CSMD1: variants seen among roughly 807,000 people sequenced by gnomAD.
CSMD1 encodes the protein CUB and sushi domain-containing protein 1.
In CSMD1, 213 loss-of-function variants were observed where a neutral mutation model predicts 417.5. That is an observed-to-expected ratio of 0.51 (90% CI 0.46 to 0.57). The LOEUF (loss-of-function observed/expected upper bound fraction) is 0.57, where lower values mean the gene tolerates loss of function less well. CSMD1 is among the 20% of genes least tolerant of loss of function. CSMD1 has a pLI of 0.00. For missense variants in CSMD1, 6,923 were observed against 4,529.7 expected, an observed-to-expected ratio of 1.53 and a Z score of -15.17; for synonymous variants, 2,862 against 1,736.8, an observed-to-expected ratio of 1.65 and a Z score of -16.11.
intron 2 of CSMD1, among the ~76,000 whole-genome samples, chr8:4,551,882 A>G (rs1253766034): frequency 2.1e-5 from 3 of 144,848 alleles, no homozygotes; most frequent in Non-Finnish European, 3.0e-5. Context: ...GAGATGGGGT[A>G]TCACCATGTT....
intron 3 of CSMD1, among the ~76,000 whole-genome samples, chr8:4,157,887 G>T (rs1027858969): frequency 6.6e-6 from 1 of 152,118 alleles, no homozygotes; most frequent in African/African-American, 2.4e-5. Context: ...CTCCCCACAG[G>T]ACAACAGGAT....
chr8:3,159,179 C>G (rs1434619454), intron 38 of CSMD1, among the ~76,000 whole-genome samples: 1 of 152,082 alleles, frequency 6.6e-6, no homozygotes, highest in Admixed American at 6.5e-5. Flanking sequence ...GTTCAAAAGT[C>G]TCAAAAAATT....
chr8:3,153,247 AC>A (rs1274628686), intron 39 of CSMD1, among the ~76,000 whole-genome samples: 1 of 152,130 alleles, frequency 6.6e-6, no homozygotes, highest in East Asian at 1.9e-4. Context: ...TCAGGAACTT[AC>A]CCTCTATGGT....
chr8:3,843,869 T>C (rs75802788), intron 5 of CSMD1, among the ~76,000 whole-genome samples: 9,603 of 152,286 alleles, frequency 0.063, 893 homozygotes, highest in African/African-American at 0.2. Context: ...GAGGGACAGA[T>C]ATTGTGAGTA....
chr8:4,739,820 A>G (rs1810484458), intron 1 of CSMD1, among the ~76,000 whole-genome samples: 1 of 151,928 alleles, frequency 6.6e-6, no homozygotes, highest in African/African-American at 2.4e-5. Context: ...CTCCTTTGTG[A>G]TCTTTCCATG....
chr8:3,558,154 G>T (rs111531484), intron 10 of CSMD1, among the ~76,000 whole-genome samples: 1 of 148,186 alleles, frequency 6.7e-6, no homozygotes, highest in East Asian at 2.0e-4. Flanking sequence ...ATGATGAATG[G>T]TGCCTCAATA....
At chr8:3,323,471 T>A (rs930048171) in intron 23 of CSMD1, among the ~76,000 whole-genome samples, 2 of 151,890 alleles carry the variant, frequency 1.3e-5, no homozygotes, top group African/African-American at 4.8e-5. Context: ...TCTCACATAC[T>A]CCACACCCAT....
chr8:2,951,079 C>T (rs965158517), intron 66 of CSMD1, 35 bp downstream of exon 66: 10 of 1,594,082 alleles, frequency 6.3e-6, no homozygotes, highest in Non-Finnish European at 8.5e-6. Flanking sequence ...TATTTCTGCT[C>T]ACACCATGCG....
At chr8:4,049,577 T>C (rs923673092) in intron 3 of CSMD1, among the ~76,000 whole-genome samples, 2 of 152,130 alleles carry the variant, frequency 1.3e-5, no homozygotes, top group Non-Finnish European at 2.9e-5. Flanking sequence ...ACCCAACTAC[T>C]ACCTGCTCTG....
intron 1 of CSMD1, among the ~76,000 whole-genome samples, chr8:4,829,714 G>C (rs1800035853): frequency 1.3e-5 from 2 of 148,548 alleles, no homozygotes; most frequent in African/African-American, 5.0e-5. Context: ...CTCCAGCTTG[G>C]ATGGCAGAGT....
intron 3 of CSMD1, among the ~76,000 whole-genome samples, chr8:4,076,292 C>T (rs1013786593): frequency 1.3e-5 from 2 of 152,170 alleles, no homozygotes; most frequent in Non-Finnish European, 2.9e-5. Flanking sequence ...TCTCCCTCTG[C>T]CATGATTTTA....
intron 12 of CSMD1, among the ~76,000 whole-genome samples, chr8:3,445,452 G>C (rs906007233): frequency 6.6e-6 from 1 of 152,192 alleles, no homozygotes; most frequent in Admixed American, 6.5e-5. Context: ...GAATTACAAA[G>C]TGAGGTCAAC....
intron 7 of CSMD1, among the ~76,000 whole-genome samples, chr8:3,663,372 G>A (rs899148502): frequency 2.0e-5 from 3 of 152,022 alleles, no homozygotes; most frequent in Admixed American, 6.6e-5. Flanking sequence ...TTTATAAAGG[G>A]GCACTTCTGT....
At chr8:4,128,768 C>A (rs2130970064) in intron 3 of CSMD1, among the ~76,000 whole-genome samples, 1 of 152,244 alleles carries the variant, frequency 6.6e-6, no homozygotes, top group East Asian at 1.9e-4. Flanking sequence ...CACACCCACA[C>A]ACCATCAACT....
chr8:4,567,307 A>C (rs922295900), intron 2 of CSMD1, among the ~76,000 whole-genome samples: 2 of 152,182 alleles, frequency 1.3e-5, no homozygotes, highest in African/African-American at 4.8e-5. Flanking sequence ...AAACCCAATA[A>C]TGTTTATTAA....
chr8:4,825,566 G>C (rs562090312), intron 1 of CSMD1, among the ~76,000 whole-genome samples: 24 of 147,484 alleles, frequency 1.6e-4, no homozygotes, highest in South Asian at 8.9e-4. Context: ...GGCTGTCTTA[G>C]ATACTTCATA....
intron 7 of CSMD1, among the ~76,000 whole-genome samples, chr8:3,646,315 A>C (rs1797568962): frequency 6.6e-6 from 1 of 152,172 alleles, no homozygotes; most frequent in South Asian, 2.1e-4. Flanking sequence ...AAATATACTA[A>C]AATATAGAAG....
At chr8:4,666,832 G>T (rs963303696) in intron 1 of CSMD1, among the ~76,000 whole-genome samples, 1 of 152,004 alleles carries the variant, frequency 6.6e-6, no homozygotes, top group Non-Finnish European at 1.5e-5. Context: ...GTGTTTTGAA[G>T]AGCAGAACTT....
intron 3 of CSMD1, among the ~76,000 whole-genome samples, chr8:4,241,458 A>C (rs1766050728): frequency 6.6e-6 from 1 of 152,140 alleles, no homozygotes; most frequent in Admixed American, 6.5e-5. Flanking sequence ...CTACATCTCC[A>C]ACTGCAGAAG....
Sources: allele counts gnomAD v4.1 joint callset (sites outside exome capture counted in the v4.1 genomes callset), GRCh38; gene constraint gnomAD v4.1.1; transcripts MANE v1.5; gene names NCBI Gene and HGNC (gene_info 2026-07-23, HGNC 2026-07-21).